XKR9: variants seen among roughly 807,000 people sequenced by gnomAD.
XKR9 encodes XK-related protein 9.
A neutral mutation model predicts 32.0 loss-of-function variants in XKR9; 32 were observed. The ratio of observed to expected loss-of-function variants is 1.00; its 90% CI spans 0.76 to 1.34. The LOEUF is 1.34. Among genes scored for constraint, XKR9 ranks in the 40% most tolerant of loss-of-function variants. XKR9 has a pLI of 0.00. For missense variants in XKR9, 546 were observed against 429.7 expected, an observed-to-expected ratio of 1.27 and a Z score of -2.39; for synonymous variants, 168 against 143.4, an observed-to-expected ratio of 1.17 and a Z score of -1.22.
At chr8:70,929,617 T>A in the XKR9 span, among the ~76,000 whole-genome samples, 3 of 152,204 alleles carry the variant, frequency 2.0e-5, no homozygotes, top group Admixed American at 2.0e-4. Flanking sequence ...GTTGTACGAC[T>A]AAGGTTTATG....
the XKR9 span, among the ~76,000 whole-genome samples, chr8:70,912,521 G>A: frequency 6.6e-6 from 1 of 152,124 alleles, no homozygotes; most frequent in Non-Finnish European, 1.5e-5. Context: ...AGCAATTCAT[G>A]GAGATAGGAA....
intron 4 of XKR9, among the ~76,000 whole-genome samples, chr8:70,724,919 A>C (rs1806411348): frequency 6.6e-6 from 1 of 152,164 alleles, no homozygotes; most frequent in African/African-American, 2.4e-5. Context: ...TGCTTCTATA[A>C]AAAGCTGGCT....
At chr8:71,064,731 G>A in the XKR9 span, among the ~76,000 whole-genome samples, 8 of 152,110 alleles carry the variant, frequency 5.3e-5, no homozygotes, top group South Asian at 2.1e-4. Flanking sequence ...GTGCATATGC[G>A]AACAGATGAC....
chr8:70,904,605 A>C, the XKR9 span, among the ~76,000 whole-genome samples: 1 of 152,126 alleles, frequency 6.6e-6, no homozygotes, highest in African/African-American at 2.4e-5. Flanking sequence ...TAATTGGAGC[A>C]TTTAGTCCAT....
the XKR9 span, among the ~76,000 whole-genome samples, chr8:71,025,055 C>T: frequency 1.3e-4 from 20 of 152,134 alleles, no homozygotes; most frequent in African/African-American, 1.4e-4. Flanking sequence ...TTTCTAATAA[C>T]GCTGTGAAGT....
the XKR9 span, among the ~76,000 whole-genome samples, chr8:71,057,196 G>C: frequency 3.3e-4 from 51 of 152,282 alleles, 1 homozygote; most frequent in East Asian, 9.5e-3. Flanking sequence ...GGCATAGCAA[G>C]ACACAGTTCC....
the XKR9 span, among the ~76,000 whole-genome samples, chr8:71,030,659 G>A: frequency 1.3e-5 from 2 of 152,168 alleles, no homozygotes; most frequent in Non-Finnish European, 2.9e-5. Context: ...CCTGAGAAGA[G>A]TATAGAGGCA....
At chr8:70,805,338 G>A in the XKR9 span, among the ~76,000 whole-genome samples, 5 of 152,206 alleles carry the variant, frequency 3.3e-5, no homozygotes, top group Admixed American at 3.3e-4. Context: ...CCCCAGAGCT[G>A]CGCATATTCT....
chr8:70,894,584 T>C, the XKR9 span, among the ~76,000 whole-genome samples: 1 of 152,170 alleles, frequency 6.6e-6, no homozygotes, highest in Non-Finnish European at 1.5e-5. Context: ...GGAACTATTC[T>C]GAGTGGCCCA....
chr8:70,809,624 G>A, the XKR9 span, among the ~76,000 whole-genome samples: 56 of 152,244 alleles, frequency 3.7e-4, no homozygotes, highest in East Asian at 5.0e-3. Flanking sequence ...TGAAAACCAC[G>A]GCATGAGAAC....
At chr8:70,788,392 G>A (rs1002833596) in intron 2 of XKR9, among the ~76,000 whole-genome samples, 6 of 152,088 alleles carry the variant, frequency 3.9e-5, no homozygotes, top group Non-Finnish European at 7.4e-5. Context: ...TGCAATACAA[G>A]TATGTCATAC....
At chr8:70,748,454 C>A (rs1011319631) in intron 2 of XKR9, among the ~76,000 whole-genome samples, 1 of 152,242 alleles carries the variant, frequency 6.6e-6, no homozygotes, top group African/African-American at 2.4e-5. Context: ...CTATTGTGAC[C>A]TGGCTGGGTG....
chr8:70,995,042 C>G, the XKR9 span, among the ~76,000 whole-genome samples: 1 of 152,062 alleles, frequency 6.6e-6, no homozygotes, highest in East Asian at 1.9e-4. Context: ...TTTATCCTTC[C>G]TAGTAGTGAG....
the XKR9 span, among the ~76,000 whole-genome samples, chr8:70,870,028 G>A: frequency 6.6e-6 from 1 of 152,140 alleles, no homozygotes; most frequent in African/African-American, 2.4e-5. Context: ...TGAGGAGGCT[G>A]GGACTGCTAA....
chr8:71,010,872 C>T, the XKR9 span, among the ~76,000 whole-genome samples: 4 of 152,168 alleles, frequency 2.6e-5, no homozygotes, highest in Non-Finnish European at 2.9e-5. Flanking sequence ...CTGCATGTTA[C>T]ACGAATTCAG....
chr8:70,923,067 A>G, the XKR9 span, among the ~76,000 whole-genome samples: 8 of 152,242 alleles, frequency 5.3e-5, no homozygotes, highest in Admixed American at 2.6e-4. Context: ...GGCTTGTGCC[A>G]GACACATTTC....
chr8:70,921,124 T>C, the XKR9 span, among the ~76,000 whole-genome samples: 1 of 152,236 alleles, frequency 6.6e-6, no homozygotes, highest in East Asian at 1.9e-4. Context: ...GCCAGAAATC[T>C]GTAGGCCTAA....
At chr8:71,059,704 A>T in the XKR9 span, among the ~76,000 whole-genome samples, 1 of 152,178 alleles carries the variant, frequency 6.6e-6, no homozygotes, top group Non-Finnish European at 1.5e-5. Flanking sequence ...CCAGTAACCC[A>T]GGTAACTGGG....
chr8:71,050,462 T>C, the XKR9 span, among the ~76,000 whole-genome samples: 2 of 151,964 alleles, frequency 1.3e-5, no homozygotes, highest in Non-Finnish European at 1.5e-5. Flanking sequence ...AAGACTCAAA[T>C]GAGGGAAATT....
Sources: allele counts gnomAD v4.1 joint callset (sites outside exome capture counted in the v4.1 genomes callset), GRCh38; gene constraint gnomAD v4.1.1; transcripts MANE v1.5; gene names NCBI Gene and HGNC (gene_info 2026-07-23, HGNC 2026-07-21).